The following SRPK2 variants were observed in gnomAD, a reference collection of about 807,000 sequenced individuals.
SRPK2 encodes SFRS protein kinase 2.
A neutral mutation model predicts 90.8 loss-of-function variants in SRPK2; 21 were observed. The ratio of observed to expected loss-of-function variants is 0.23; its 90% CI spans 0.16 to 0.33. The LOEUF (loss-of-function observed/expected upper bound fraction) is 0.33. Among genes scored for constraint, SRPK2 ranks in the 10% least tolerant of loss-of-function variants. The probability of loss-of-function intolerance (pLI) is 1.00; values close to 1 mark genes in which losing one functional copy is unlikely to be tolerated. For missense variants in SRPK2, 620 were observed against 869.0 expected (o/e 0.71, Z 3.60); for synonymous variants, 288 against 311.1 (o/e 0.93, Z 0.78).
chr7:105,124,640 T>TGAAAAAAAAAAAA (rs71519197), intron 15 of SRPK2, among the ~76,000 whole-genome samples: 1 of 52,926 alleles, frequency 1.9e-5, no homozygotes. Flanking sequence ...AAACTCCATC[T>TGAAAAAAAAAAAA]AAAAAAAAAA....
chr7:105,178,584 T>C (rs924795719), intron 3 of SRPK2, among the ~76,000 whole-genome samples: 1 of 152,100 alleles, frequency 6.6e-6, no homozygotes, highest in Non-Finnish European at 1.5e-5. Flanking sequence ...TAATCACACA[T>C]GAGGCAGGAG....
chr7:105,277,241 T>A (rs540689864), intron 2 of SRPK2, among the ~76,000 whole-genome samples: 87 of 152,148 alleles, frequency 5.7e-4, no homozygotes, highest in African/African-American at 2.0e-3. Flanking sequence ...CACGTCCGGC[T>A]AATTTTTTGT....
At chr7:105,137,380 G>T (rs1803006940) in intron 11 of SRPK2, among the ~76,000 whole-genome samples, 1 of 152,164 alleles carries the variant, frequency 6.6e-6, no homozygotes, top group African/African-American at 2.4e-5. Flanking sequence ...GTGAGGCGAG[G>T]GTGGGTAAGG....
upstream of SRPK2, among the ~76,000 whole-genome samples, chr7:105,392,420 A>C (rs981255078): frequency 2.0e-5 from 3 of 152,218 alleles, no homozygotes; most frequent in Non-Finnish European, 2.9e-5. Flanking sequence ...CTGTGTGAAT[A>C]TCTCTTCCCT....
At chr7:105,376,011 T>TTG (rs869107968) in intron 2 of SRPK2, among the ~76,000 whole-genome samples, 1 of 142,084 alleles carries the variant, frequency 7.0e-6, no homozygotes. Flanking sequence ...TTTTTTTTTT[T>TTG]GAGACAGAGT....
intron 2 of SRPK2, among the ~76,000 whole-genome samples, chr7:105,264,790 T>C (rs1424459517): frequency 2.0e-5 from 3 of 152,196 alleles, no homozygotes; most frequent in African/African-American, 7.2e-5. Flanking sequence ...TAAAACAACA[T>C]CCACTCACAC....
chr7:105,314,638 C>T (rs1427908574), intron 2 of SRPK2, among the ~76,000 whole-genome samples: 1 of 152,178 alleles, frequency 6.6e-6, no homozygotes, highest in African/African-American at 2.4e-5. Flanking sequence ...CCCGCCTTAG[C>T]CTCCCAAAGT....
intron 2 of SRPK2, among the ~76,000 whole-genome samples, chr7:105,258,041 T>C (rs933414023): frequency 5.3e-5 from 8 of 150,440 alleles, no homozygotes; most frequent in South Asian, 2.1e-4. Flanking sequence ...TAGGAGACAG[T>C]TGCAGTGAGC....
chr7:105,316,714 A>G (rs929744738), intron 2 of SRPK2, among the ~76,000 whole-genome samples: 1 of 152,238 alleles, frequency 6.6e-6, no homozygotes, highest in African/African-American at 2.4e-5. Context: ...GATAGGACAA[A>G]GTTACTCTGA....
rs142423477 is a variant in SRPK2 at position 105,172,749 on chromosome 7, G to C, written c.230-3484C>G. On this transcript the variant is annotated intron_variant, in intron 3 of 15. Coordinates refer to ENST00000393651, the MANE Select transcript of SRPK2 (RefSeq NM_182692.3). Reference sequence around the variant, plus strand: ...AAATACACTCCAATTTTAATAACTAGAGGACTGCTTCCTGGTCTTAGTACA... The same window carrying C: ...AAATACACTCCAATTTTAATAACTACAGGACTGCTTCCTGGTCTTAGTACA... Among the ~76,000 whole-genome samples, 96 of 152,228 alleles carry C rather than the reference G, an allele frequency of 6.3e-4. 2 individuals carry two copies. The highest frequency in any genetic ancestry group is 2.3e-3 in the African/African-American group (94 of 41,562).
intron 2 of SRPK2, among the ~76,000 whole-genome samples, chr7:105,289,909 T>C (rs1808726294): frequency 6.6e-6 from 1 of 151,924 alleles, no homozygotes; most frequent in Non-Finnish European, 1.5e-5. Flanking sequence ...CACAGAACAT[T>C]GTAGGATTAT....
intron 2 of SRPK2, among the ~76,000 whole-genome samples, chr7:105,266,203 T>C (rs1034155248): frequency 5.3e-5 from 8 of 152,146 alleles, no homozygotes; most frequent in African/African-American, 1.9e-4. Context: ...CGTATGTATA[T>C]TTTTCAGTGA....
intron 2 of SRPK2, among the ~76,000 whole-genome samples, chr7:105,354,232 G>A (rs942247741): frequency 6.6e-6 from 1 of 152,196 alleles, no homozygotes; most frequent in Admixed American, 6.5e-5. Context: ...AGAGCCCTAT[G>A]TCCTCCATTC....
chr7:105,124,841 A>G (rs1275659051), intron 15 of SRPK2, among the ~76,000 whole-genome samples: 1 of 151,790 alleles, frequency 6.6e-6, no homozygotes, highest in Non-Finnish European at 1.5e-5. Context: ...ATCACAAAAA[A>G]GTACAGCAGG....
rs542620556 is a variant in SRPK2, at chr7:105,287,707, G to T, written c.72-83922C>A. Among the ~76,000 whole-genome samples the T allele has an allele frequency of 3.3e-5, 5 of 152,242 alleles. 1 individual carries two copies. The highest frequency in any genetic ancestry group is 1.2e-4 in the African/African-American group (5 of 41,520). ...GCTGAGATCACACCACTGCACTCTA[G>T]CCTGGATGACACAGTGAGACTCCAT... is the stretch of plus-strand genomic sequence containing the variant. On this transcript the variant is annotated intron_variant, in intron 2 of 15. Transcript: ENST00000393651.
chr7:105,250,493 T>G (rs1211773023), intron 2 of SRPK2, among the ~76,000 whole-genome samples: 1 of 152,200 alleles, frequency 6.6e-6, no homozygotes, highest in Admixed American at 6.5e-5. Flanking sequence ...TCAGTCACTG[T>G]AATTTCACAT....
intron 2 of SRPK2, among the ~76,000 whole-genome samples, chr7:105,378,570 C>A (rs768395168): frequency 6.6e-6 from 1 of 152,050 alleles, no homozygotes; most frequent in Non-Finnish European, 1.5e-5. Flanking sequence ...CAAGACCATC[C>A]TGGCCAACAT....
At chr7:105,283,499 A>C (rs907536079) in intron 2 of SRPK2, among the ~76,000 whole-genome samples, 3 of 152,192 alleles carry the variant, frequency 2.0e-5, no homozygotes, top group African/African-American at 7.2e-5. Context: ...CATTATGCTA[A>C]GTGAAAGAAG....
intron 2 of SRPK2, among the ~76,000 whole-genome samples, chr7:105,378,628 T>C (rs1271168703): frequency 6.6e-6 from 1 of 151,822 alleles, no homozygotes; most frequent in East Asian, 1.9e-4. Context: ...CTGGGCACGG[T>C]GGCACACACC....
Sources: allele counts gnomAD v4.1 joint callset (sites outside exome capture counted in the v4.1 genomes callset), GRCh38; gene constraint gnomAD v4.1.1; transcripts MANE v1.5; gene names NCBI Gene and HGNC (gene_info 2026-07-23, HGNC 2026-07-21).